EXOC6B: variants seen among roughly 807,000 people sequenced by gnomAD.
EXOC6B encodes exocyst complex component 6B.
Under a neutral mutation model 113.5 loss-of-function variants are expected in EXOC6B, and 54 were observed. That is an observed-to-expected ratio of 0.48 (90% CI 0.38 to 0.60). The LOEUF (loss-of-function observed/expected upper bound fraction) is 0.60. Ranked by LOEUF, EXOC6B falls within the 20% of genes least tolerant of loss-of-function variation. The pLI, the probability that EXOC6B is intolerant of heterozygous loss-of-function variation, is 0.00. For synonymous variants in EXOC6B, 357 were observed against 339.0 expected (o/e 1.05, Z -0.58); for missense variants, 797 against 977.5 (o/e 0.82, Z 2.46).
At chr2:72,358,759 T>G (rs1690120096) in intron 19 of EXOC6B, among the ~76,000 whole-genome samples, 2 of 152,190 alleles carry the variant, frequency 1.3e-5, no homozygotes, top group Admixed American at 1.3e-4. Context: ...GTAGGATGTA[T>G]GCACTAAAAT....
intron 1 of EXOC6B, among the ~76,000 whole-genome samples, chr2:72,761,184 A>G (rs1222371325): frequency 6.6e-6 from 1 of 152,198 alleles, no homozygotes; most frequent in Non-Finnish European, 1.5e-5. Flanking sequence ...GTCTCAAAAA[A>G]AAAAGACATA....
At chr2:72,627,604 G>A (rs1299070965) in intron 6 of EXOC6B, among the ~76,000 whole-genome samples, 2 of 152,178 alleles carry the variant, frequency 1.3e-5, no homozygotes, top group Non-Finnish European at 2.9e-5. Context: ...GTAATGAAGA[G>A]TGTTATCAGT....
At chr2:72,181,016 T>C (rs1439568249) in intron 21 of EXOC6B, among the ~76,000 whole-genome samples, 1 of 152,070 alleles carries the variant, frequency 6.6e-6, no homozygotes, top group African/African-American at 2.4e-5. Flanking sequence ...AAGACCATCC[T>C]GACTAACACG....
chr2:72,488,887 C>T (rs577900354), intron 16 of EXOC6B, among the ~76,000 whole-genome samples: 2 of 152,138 alleles, frequency 1.3e-5, no homozygotes, highest in Admixed American at 1.3e-4. Flanking sequence ...CCCCATTTCA[C>T]GCAAAATAAA....
chr2:72,500,088 C>T, intron 11 of EXOC6B, 116 bp from the exon 12 acceptor site: 1 of 695,758 alleles, frequency 1.4e-6, no homozygotes. Flanking sequence ...CTGGTAAATT[C>T]TTTCCCTAGA....
intron 6 of EXOC6B, among the ~76,000 whole-genome samples, chr2:72,702,323 G>T (rs1678426034): frequency 6.9e-6 from 1 of 144,592 alleles, no homozygotes; most frequent in Non-Finnish European, 1.5e-5. Flanking sequence ...GTCTATCATT[G>T]TTGGACATTT....
intron 20 of EXOC6B, among the ~76,000 whole-genome samples, chr2:72,285,758 C>T (rs1172911994): frequency 2.0e-5 from 3 of 151,618 alleles, no homozygotes; most frequent in Non-Finnish European, 4.4e-5. Flanking sequence ...GACTATTATC[C>T]AAAACATACA....
intron 11 of EXOC6B, among the ~76,000 whole-genome samples, chr2:72,502,736 A>G (rs1209580966): frequency 1.3e-5 from 2 of 151,888 alleles, no homozygotes; most frequent in African/African-American, 4.8e-5. Context: ...CTCTTTTTTC[A>G]CTACACTGGA....
At chr2:72,788,742 T>C (rs1349878361) in intron 1 of EXOC6B, among the ~76,000 whole-genome samples, 1 of 152,130 alleles carries the variant, frequency 6.6e-6, no homozygotes, top group Non-Finnish European at 1.5e-5. Flanking sequence ...AAGCTGCAAG[T>C]GTGCGGTAAT....
chr2:72,788,136 C>T (rs377690473), intron 1 of EXOC6B, among the ~76,000 whole-genome samples: 1 of 152,172 alleles, frequency 6.6e-6, no homozygotes, highest in Non-Finnish European at 1.5e-5. Flanking sequence ...GTTCCTTAGT[C>T]TACCTGTTAT....
At chr2:72,585,101 G>C (rs1705471683) in intron 6 of EXOC6B, among the ~76,000 whole-genome samples, 1 of 151,964 alleles carries the variant, frequency 6.6e-6, no homozygotes, top group African/African-American at 2.4e-5. Context: ...CTAGAGAAAT[G>C]AGAAAAACAA....
intron 6 of EXOC6B, among the ~76,000 whole-genome samples, chr2:72,671,172 T>C (rs187983070): frequency 1.3e-5 from 2 of 152,236 alleles, no homozygotes; most frequent in Admixed American, 6.5e-5. Flanking sequence ...CAGGATTACA[T>C]TAAGCTAAAA....
chr2:72,749,983 A>C (rs1681937728), intron 1 of EXOC6B, among the ~76,000 whole-genome samples: 1 of 151,710 alleles, frequency 6.6e-6, no homozygotes, highest in Non-Finnish European at 1.5e-5. Context: ...ATATAAATGC[A>C]TGTATTATAT....
At chr2:72,303,804 C>G (rs77275594) in intron 20 of EXOC6B, among the ~76,000 whole-genome samples, 2 of 152,034 alleles carry the variant, frequency 1.3e-5, no homozygotes, top group Non-Finnish European at 2.9e-5. Context: ...TCTTTTTCAC[C>G]TCTGTGTGTG....
chr2:72,495,334 C>G (rs1699977429), intron 15 of EXOC6B, 96 bp downstream of exon 15: 3 of 616,700 alleles, frequency 4.9e-6, no homozygotes, highest in South Asian at 5.1e-5. Context: ...TTTCCAAAAT[C>G]AGGGCTGACG....
chr2:72,461,513 A>G (rs1697674103), intron 18 of EXOC6B: 1 of 151,998 alleles, frequency 6.6e-6, no homozygotes, highest in Non-Finnish European at 1.5e-5. Context: ...TAATGAATAA[A>G]TATAAATTTA....
At chr2:72,401,461 T>A (rs1190542525) in intron 18 of EXOC6B, among the ~76,000 whole-genome samples, 1 of 132,472 alleles carries the variant, frequency 7.5e-6, no homozygotes, top group African/African-American at 2.7e-5. Context: ...AAACTCCGTA[T>A]TTAAAAAAAA....
chr2:72,682,890 C>T (rs1407124907), intron 6 of EXOC6B, among the ~76,000 whole-genome samples: 1 of 152,132 alleles, frequency 6.6e-6, no homozygotes, highest in African/African-American at 2.4e-5. Flanking sequence ...ATTATTATTT[C>T]TTTCAATGAA....
intron 18 of EXOC6B, among the ~76,000 whole-genome samples, chr2:72,407,665 C>A (rs1693875514): frequency 6.6e-6 from 1 of 152,092 alleles, no homozygotes; most frequent in South Asian, 2.1e-4. Context: ...AATTCAACAG[C>A]CCTTCATGCT....
Sources: allele counts gnomAD v4.1 joint callset (sites outside exome capture counted in the v4.1 genomes callset), GRCh38; gene constraint gnomAD v4.1.1; transcripts MANE v1.5; gene names NCBI Gene and HGNC (gene_info 2026-07-23, HGNC 2026-07-21).